The following MYO7B variants were observed in gnomAD, a reference collection of about 807,000 sequenced individuals.
The protein encoded by MYO7B is myosin VIIB, also known as unconventional myosin-VIIb.
A neutral mutation model predicts 259.7 loss-of-function variants in MYO7B; 212 were observed. The observed-to-expected ratio is 0.82, with a 90% CI of 0.73 to 0.91. The LOEUF (loss-of-function observed/expected upper bound fraction) is 0.91, where lower values mean the gene tolerates loss of function less well. Among genes scored for constraint, MYO7B ranks in the 40% least tolerant of loss-of-function variants. MYO7B has a pLI of 0.00. For missense variants in MYO7B, 2,732 were observed against 2,813.5 expected (o/e 0.97, Z 0.66); for synonymous variants, 1,197 against 1,166.4 (o/e 1.03, Z -0.54).
chr2:127,620,310 C>A, intron 26 of MYO7B, 30 bp from the exon 27 acceptor site: 1 of 1,587,310 alleles, frequency 6.3e-7, no homozygotes, highest in Non-Finnish European at 8.6e-7. Context: ...CAGCCCCCAG[C>A]CTACTCTCCT....
chr2:127,612,626 G>A (rs755124152), intron 26 of MYO7B, 23 bp downstream of exon 26: 1 of 1,606,100 alleles, frequency 6.2e-7, no homozygotes, highest in African/African-American at 1.3e-5. Flanking sequence ...TCCCATCCCG[G>A]CCCCATTCAG....
intron 38 of MYO7B, 121 bp downstream of exon 38, chr2:127,631,874 C>T (rs1426662298): frequency 3.1e-6 from 4 of 1,306,674 alleles, no homozygotes; most frequent in Admixed American, 2.3e-5. Context: ...TGCCTGGGCT[C>T]CTGCCTCAGC....
intron 20 of MYO7B, 113 bp downstream of exon 20, chr2:127,606,041 C>A: frequency 1.2e-6 from 1 of 814,644 alleles, no homozygotes. Flanking sequence ...CAGGAAGGAT[C>A]AAATCATTCA....
Position 127,609,874 on chromosome 2 carries a change from T to C in MYO7B, c.3050T>C (p.Ile1017Thr), listed in dbSNP as rs1306130094. The change falls in exon 24 of 48, where the codon ATC becomes ACC. Residue 1017 changes from isoleucine (I) to threonine (T), a missense_variant. Coordinates refer to ENST00000409816, the MANE Select transcript of MYO7B (RefSeq NM_001393586.1). This position sits in a 1 kb window ranked among gnomAD's most constrained non-coding sequence, Gnocchi z 6.9. ...GCCGCCCTGGTCATATGGAACGTCA[T>C]CCTGAGGTTCATGGGTGATCTCCCA... Reference protein sequence around the residue: ...CLAALVIWNVILRFMGDLPEP... With the variant: ...CLAALVIWNVTLRFMGDLPEP... The C allele has an allele frequency of 1.9e-6, 3 of 1,612,870 alleles. No homozygotes were observed. The African/African-American group carries it at 4.0e-5, about 22-fold the overall frequency.
chr2:127,634,402 C>T lies in MYO7B; in HGVS notation c.5625+113C>T, dbSNP rs995081786. The T allele has an allele frequency of 4.2e-6, 4 of 961,288 alleles. No individual in the cohort carries two copies. The African/African-American group carries it at 5.0e-5, about 12-fold the overall frequency. The allele number at this position is 961,288 out of a possible 1,614,324, so 59.5% of individuals were successfully genotyped here. A position where few individuals can be genotyped will look rare whatever the true frequency, so the allele number is the denominator to read the frequency against. On this transcript the variant is annotated intron_variant, in intron 41 of 47. Coordinates refer to ENST00000409816, the MANE Select transcript of MYO7B (RefSeq NM_001393586.1). ...GGGGCACCCATGCTGGACCAGGCTG[C>T]ACGGCCAGGGCTGCTGGGACAGAGG...
At chr2:127,564,861 A>T (rs539459733) in intron 3 of MYO7B, among the ~76,000 whole-genome samples, 14 of 152,220 alleles carry the variant, frequency 9.2e-5, no homozygotes, top group Non-Finnish European at 1.9e-4. Context: ...GTAGTTTTTT[A>T]AAAAAGCTTT....
At chr2:127,619,502 C>A (rs1046849486) in intron 26 of MYO7B, among the ~76,000 whole-genome samples, 4 of 152,158 alleles carry the variant, frequency 2.6e-5, no homozygotes, top group Admixed American at 2.6e-4. Context: ...GATGGCGATG[C>A]CTGTAGACCA....
At position 127,637,382 on chromosome 2, in the gene MYO7B, C is replaced by T. The variant is rs779550971; in HGVS notation, c.6394C>T (p.Arg2132Trp). 9 of 1,573,030 alleles carry T rather than the reference C, an allele frequency of 5.7e-6. No individual in the cohort carries two copies. Among genetic ancestry groups the T allele is most frequent in the South Asian group, 2.4e-5 (2 of 84,828 alleles). Residue 2132 changes from arginine (R) to tryptophan (W), a missense_variant, in exon 48 of 48, where the codon CGG becomes TGG. Transcript: ENST00000409816. ...QQLLSAMNKQ[R>W]GSKAPALAST ...GCTCCTGAGTGCCATGAACAAGCAGCGGGGCTCCAAGGCCCCAGCCCTGGC... is the reference window on the plus strand; with the variant it reads ...GCTCCTGAGTGCCATGAACAAGCAGTGGGGCTCCAAGGCCCCAGCCCTGGC...
rs1249227104 is a variant in MYO7B, at chr2:127,623,255, G to C, written c.3699G>C (p.Glu1233Asp). ...TCCAAGTCATCTTGGCCACTGGAGA[G>C]AGCCTAACCGTCCCCGTGGACTCAG... The part of the protein sequence containing the change: ...IPIQVILATG[E>D]SLTVPVDSAS... Residue 1233 changes from glutamate (E) to aspartate (D), a missense_variant, in exon 29 of 48, where the codon GAG (glutamate) becomes GAC (aspartate). Physicochemically the swap from Glu to Asp is conservative, Grantham distance 45 (BLOSUM62 2). Transcript: ENST00000409816. The C allele has an allele frequency of 1.9e-6, 3 of 1,613,546 alleles. No individual in the cohort carries two copies. The highest frequency in any genetic ancestry group is 2.5e-6 in the Non-Finnish European group (3 of 1,179,796).
chr2:127,626,870 A>T, intron 31 of MYO7B, 105 bp from the exon 32 acceptor site: 1 of 1,068,714 alleles, frequency 9.4e-7, no homozygotes, highest in Non-Finnish European at 1.4e-6. Flanking sequence ...CTGGCCTTGT[A>T]GAGCCTTCTC....
intron 1 of MYO7B, among the ~76,000 whole-genome samples, chr2:127,548,117 T>C (rs1324642782): frequency 6.6e-6 from 1 of 152,240 alleles, no homozygotes; most frequent in Non-Finnish European, 1.5e-5. Flanking sequence ...AATATGTCTT[T>C]ACTATCCTTT....
In MYO7B at chr2:127,590,991, G is replaced by C. The variant is rs1471772894; in HGVS notation, c.1992+762G>C. On this transcript the variant is annotated intron_variant, in intron 16 of 47. Transcript: ENST00000409816. This position sits in a 1 kb window ranked among gnomAD's most constrained non-coding sequence, Gnocchi z 4.6. ...GGAGGATTGCTTGAGGCAAGCCTGG[G>C]CAACATAGTAAGACCTTATCTCTGC... is the stretch of plus-strand genomic sequence containing the variant. 6.6e-6 allele frequency among the ~76,000 whole-genome samples: 1 copy of C among 152,128 alleles called. No homozygotes were observed. Among genetic ancestry groups the C allele is most frequent in the Non-Finnish European group, 1.5e-5 (1 of 68,024 alleles).
chr2:127,594,904 T>A (rs183927774), intron 18 of MYO7B, among the ~76,000 whole-genome samples: 71 of 152,344 alleles, frequency 4.7e-4, no homozygotes, highest in African/African-American at 1.7e-3. Context: ...TTTGCATCGA[T>A]GTTCATCAGG....
In MYO7B at chr2:127,609,370, A is replaced by T; in HGVS notation, c.2815-136A>T. Reference sequence around the variant, plus strand: ...CCACCTGAGCCCACTGAATGTGGGGATGGGTGGTCTCCAGCACCTGAGGGA... The same window carrying T: ...CCACCTGAGCCCACTGAATGTGGGGTTGGGTGGTCTCCAGCACCTGAGGGA... On this transcript the variant is annotated intron_variant, in intron 22 of 47. Transcript: ENST00000409816. The surrounding 1 kb of genome is among the most constrained non-coding windows in gnomAD (Gnocchi z 6.9). The T allele has an allele frequency of 2.6e-6, 2 of 761,832 alleles. No homozygotes were observed. Among genetic ancestry groups the T allele is most frequent in the Non-Finnish European group, 4.4e-6 (2 of 459,742 alleles). 47.2% of individuals were successfully genotyped at this position (761,832 alleles called of 1,614,324 possible).
In MYO7B at chr2:127,628,136, C is replaced by T. The variant is rs909254998; in HGVS notation, c.4461-236C>T. ...CACACCAGCCACCTCATTATCTGCCCACAGCCAACCCCACACATGGGCTGC... is the reference window on the plus strand; with the variant it reads ...CACACCAGCCACCTCATTATCTGCCTACAGCCAACCCCACACATGGGCTGC... On this transcript the variant is annotated intron_variant, in intron 33 of 47. Transcript: ENST00000409816. This position sits in a 1 kb window ranked among gnomAD's most constrained non-coding sequence, Gnocchi z 4.8. 11 of 668,650 alleles carry T rather than the reference C, an allele frequency of 1.6e-5. No homozygotes were observed. The East Asian group carries it at 2.1e-4, about 13-fold the overall frequency. The allele number at this position is 668,650 out of a possible 1,614,324, so 41.4% of individuals were successfully genotyped here. A position where few individuals can be genotyped will look rare whatever the true frequency, so the allele number is the denominator to read the frequency against.
At chr2:127,626,537 T>A (rs781314288) in intron 31 of MYO7B, 13 of 164,288 alleles carry the variant, frequency 7.9e-5, no homozygotes, top group Admixed American at 1.8e-4. Context: ...TCCCAGCAGT[T>A]TGGGAAGCCA....
At chr2:127,623,424 GGAGAGCACCCTGA>G in intron 29 of MYO7B, 49 bp downstream of exon 29, 1 of 1,487,058 alleles carries the variant, frequency 6.7e-7, no homozygotes, top group South Asian at 1.3e-5. Flanking sequence ...ATACACCCAG[GGAGAGCACCCTGA>G]GGCTCAAGCC....
intron 43 of MYO7B, 171 bp from the exon 44 acceptor site, chr2:127,635,551 G>A (rs1681752436): frequency 1.3e-6 from 1 of 744,914 alleles, no homozygotes; most frequent in African/African-American, 1.8e-5. Flanking sequence ...ATGTCAGGGG[G>A]CCCTGCCCTG....
chr2:127,565,030 C>T (rs984039441), intron 3 of MYO7B, among the ~76,000 whole-genome samples: 2 of 152,230 alleles, frequency 1.3e-5, no homozygotes, highest in African/African-American at 2.4e-5. Flanking sequence ...CTGACCCAGC[C>T]ATAGATGGAC....
Sources: gnomAD v4.1 joint callset for allele counts (sites outside exome capture counted in the v4.1 genomes callset) on GRCh38, gnomAD v4.1.1 for gene constraint, Gnocchi (gnomAD v3.1) non-coding constraint, MANE v1.5 for transcripts, NCBI Gene and HGNC (gene_info 2026-07-23, HGNC 2026-07-21) for gene names.